The following CD200R1 variants were observed in gnomAD, a reference collection of about 807,000 sequenced individuals.
The protein encoded by CD200R1 is CD200 receptor 1.
A neutral mutation model predicts 38.1 loss-of-function variants in CD200R1; 30 were observed. The ratio of observed to expected loss-of-function variants is 0.79; its 90% CI spans 0.59 to 1.07. The LOEUF (loss-of-function observed/expected upper bound fraction) is 1.07. CD200R1 is among the 50% of genes least tolerant of loss of function. CD200R1 has a pLI of 0.00. For synonymous variants in CD200R1, 128 were observed against 152.1 expected (o/e 0.84, Z 1.16); for missense variants, 372 against 415.4 (o/e 0.90, Z 0.91).
At chr3:112,924,426 TA>T in intron 7 of CD200R1, 63 bp downstream of exon 7, 1 of 1,193,558 alleles carries the variant, frequency 8.4e-7, no homozygotes, top group Non-Finnish European at 1.1e-6. Context: ...AACTACAAAT[TA>T]TGTTGCTAGA....
chr3:112,965,524 A>T (rs1933135089), intron 1 of CD200R1, among the ~76,000 whole-genome samples: 1 of 152,178 alleles, frequency 6.6e-6, no homozygotes, highest in African/African-American at 2.4e-5. Flanking sequence ...GCACTCTGGG[A>T]TGCCGAGGCA....
rs1940898172 is a variant in CD200R1, at chr3:112,947,881, T to C, written c.111A>G (p.Gln37=). ...AAQPNNSLML[Q]TSKENHALAS... ...CTAAAGCATGATTCTCCTTGCTAGTTTGCAGCATTAATGAGTTGTTTGGTT... is the reference window on the plus strand; with the variant it reads ...CTAAAGCATGATTCTCCTTGCTAGTCTGCAGCATTAATGAGTTGTTTGGTT... The change falls in exon 2 of 8, where the codon CAA becomes CAG. Residue 37 remains glutamine (Q), a synonymous_variant. Transcript: ENST00000308611. 19 of 1,613,114 alleles carry C rather than the reference T, an allele frequency of 1.2e-5. No individual in the cohort carries two copies. The highest frequency in any genetic ancestry group is 1.5e-5 in the Non-Finnish European group (18 of 1,179,050).
At chr3:112,955,008 G>A (rs72952148) in intron 1 of CD200R1, among the ~76,000 whole-genome samples, 21,487 of 152,062 alleles carry the variant, frequency 0.14, 2,158 homozygotes, top group African/African-American at 0.28. Flanking sequence ...ACCAGCTGGT[G>A]TCCACTGAAG....
At position 112,965,589 on chromosome 3, in the gene CD200R1, C is replaced by T. The variant is rs146086886; in HGVS notation, c.67+9202G>A. Among the ~76,000 whole-genome samples, 78 of 152,148 alleles carry T rather than the reference C, an allele frequency of 5.1e-4. No homozygotes were observed. The East Asian group carries it at 0.013, about 26-fold the overall frequency. On this transcript the variant is annotated intron_variant, in intron 1 of 7. Transcript: ENST00000308611. ...CATCCTGGACAACATGATGAAACTCCGTCTCTACTAAAAATACAAAAATTA... is the reference window on the plus strand; with the variant it reads ...CATCCTGGACAACATGATGAAACTCTGTCTCTACTAAAAATACAAAAATTA...
At chr3:112,924,438 T>G in intron 7 of CD200R1, 52 bp downstream of exon 7, 1 of 1,250,288 alleles carries the variant, frequency 8.0e-7, no homozygotes. Flanking sequence ...TGTTGCTAGA[T>G]TTTCAGACTA....
intron 5 of CD200R1, among the ~76,000 whole-genome samples, chr3:112,927,367 A>G (rs578186652): frequency 1.3e-5 from 2 of 152,214 alleles, no homozygotes; most frequent in African/African-American, 4.8e-5. Context: ...CCCCAGAGAA[A>G]AGGCCTTCAG....
intron 2 of CD200R1, among the ~76,000 whole-genome samples, chr3:112,943,225 T>C (rs983957600): frequency 1.3e-5 from 2 of 151,770 alleles, no homozygotes; most frequent in Non-Finnish European, 3.0e-5. Flanking sequence ...GACCACATTC[T>C]GAGCCATAAA....
At chr3:112,948,535 C>G (rs371229855) in intron 1 of CD200R1, among the ~76,000 whole-genome samples, 1 of 152,198 alleles carries the variant, frequency 6.6e-6, no homozygotes, top group East Asian at 1.9e-4. Flanking sequence ...TCCTGGCATG[C>G]ACAGTTCACA....
rs556567031 is a variant in CD200R1, at chr3:112,961,076, G to C, written c.68-13152C>G. Among the ~76,000 whole-genome samples the C allele has an allele frequency of 3.2e-4, 49 of 152,008 alleles. 1 individual carries two copies. The highest frequency in any genetic ancestry group is 2.4e-3 in the Admixed American group (36 of 15,278). ...AGCAAAAAAAAGAAAGGCGGGCGGTGAAAACTCAAAGTTCTGGCAGAGACA... is the reference window on the plus strand; with the variant it reads ...AGCAAAAAAAAGAAAGGCGGGCGGTCAAAACTCAAAGTTCTGGCAGAGACA... On this transcript the variant is annotated intron_variant, in intron 1 of 7. Coordinates refer to ENST00000308611, the MANE Select transcript of CD200R1 (RefSeq NM_138806.4).
chr3:112,948,477 G>C (rs1399341116), intron 1 of CD200R1, among the ~76,000 whole-genome samples: 1 of 152,194 alleles, frequency 6.6e-6, no homozygotes, highest in Non-Finnish European at 1.5e-5. Flanking sequence ...TTACACCTCA[G>C]ATCATCAGGC....
intron 1 of CD200R1, 79 bp downstream of exon 1, chr3:112,974,712 A>T: frequency 2.1e-6 from 2 of 956,830 alleles, no homozygotes; most frequent in Non-Finnish European, 3.4e-6. Context: ...GTATTGCCCC[A>T]GAAGAAAGAC....
chr3:112,930,176 A>G (rs150845692), intron 3 of CD200R1, among the ~76,000 whole-genome samples: 141 of 152,144 alleles, frequency 9.3e-4, no homozygotes, highest in African/African-American at 3.3e-3. Flanking sequence ...AAAAATGATA[A>G]TGCCCTGTGA....
chr3:112,954,335 T>A (rs1941038278), intron 1 of CD200R1, among the ~76,000 whole-genome samples: 1 of 152,208 alleles, frequency 6.6e-6, no homozygotes, highest in Non-Finnish European at 1.5e-5. Flanking sequence ...CTTAAATTTG[T>A]TAAAAACTTG....
chr3:112,952,168 C>A (rs1160891926), intron 1 of CD200R1, among the ~76,000 whole-genome samples: 1 of 151,928 alleles, frequency 6.6e-6, no homozygotes, highest in African/African-American at 2.4e-5. Flanking sequence ...AATACATAAT[C>A]CAGAAATAGA....
At chr3:112,932,541 T>C (rs1940470193) in intron 2 of CD200R1, among the ~76,000 whole-genome samples, 1 of 151,536 alleles carries the variant, frequency 6.6e-6, no homozygotes, top group South Asian at 2.1e-4. Flanking sequence ...CACAGACATG[T>C]CCCCAGGCCT....
chr3:112,932,872 C>T (rs1940482365), intron 2 of CD200R1, among the ~76,000 whole-genome samples: 1 of 152,060 alleles, frequency 6.6e-6, no homozygotes, highest in Non-Finnish European at 1.5e-5. Context: ...TACCAAGTGG[C>T]CCCGTGCCTG....
At chr3:112,931,952 C>A (rs1033083768) in intron 2 of CD200R1, among the ~76,000 whole-genome samples, 1 of 152,088 alleles carries the variant, frequency 6.6e-6, no homozygotes, top group East Asian at 1.9e-4. Context: ...GAGGGACTTC[C>A]TCTTGCAGGG....
rs2107298049 is a variant in CD200R1, at chr3:112,923,545, T to A, written c.*132A>T. On this transcript the variant is annotated 3_prime_UTR_variant, in exon 8 of 8. Transcript: ENST00000308611. The stretch of plus-strand genomic sequence containing the variant: ...ATACAAGGGTATGAATGAGAATCCA[T>A]TAAAATGTCTTCTAAGAACCTTGGA... The A allele has an allele frequency of 1.1e-5, 6 of 536,620 alleles. No homozygotes were observed. In the South Asian group the frequency reaches 1.7e-4, roughly 15 times the overall value. 33.2% of individuals were successfully genotyped at this position (536,620 alleles called of 1,614,324 possible).
chr3:112,937,002 T>A (rs1035958707), intron 2 of CD200R1, among the ~76,000 whole-genome samples: 48 of 152,150 alleles, frequency 3.2e-4, no homozygotes, highest in African/African-American at 1.1e-3. Context: ...GTAAGGAAGG[T>A]GTTTTACTCT....
Sources: allele counts gnomAD v4.1 joint callset (sites outside exome capture counted in the v4.1 genomes callset), GRCh38; gene constraint gnomAD v4.1.1; transcripts MANE v1.5; gene names NCBI Gene and HGNC (gene_info 2026-07-23, HGNC 2026-07-21).